Variants in PDS5B observed in about 807,000 individuals in gnomAD.
The protein encoded by PDS5B is sister chromatid cohesion protein PDS5 homolog B.
In PDS5B, 51 loss-of-function variants were observed where a neutral mutation model predicts 184.1. That is an observed-to-expected ratio of 0.28 (90% CI 0.22 to 0.35). PDS5B has a LOEUF of 0.35. Among genes scored for constraint, PDS5B ranks in the 10% least tolerant of loss-of-function variants. The pLI is 1.00. For synonymous variants in PDS5B, 566 were observed against 569.2 expected, an observed-to-expected ratio of 0.99 and a Z score of 0.08; for missense variants, 1,180 against 1,723.3, an observed-to-expected ratio of 0.68 and a Z score of 5.58.
intron 19 of PDS5B, among the ~76,000 whole-genome samples, chr13:32,717,698 A>G (rs1403765150): frequency 6.7e-6 from 1 of 149,614 alleles, no homozygotes; most frequent in Non-Finnish European, 1.5e-5. Flanking sequence ...AAAAAAAAAA[A>G]AAAATAAATA....
intron 19 of PDS5B, among the ~76,000 whole-genome samples, chr13:32,715,466 T>C (rs1319800456): frequency 6.6e-6 from 1 of 152,228 alleles, no homozygotes; most frequent in Non-Finnish European, 1.5e-5. Flanking sequence ...CATTTTAGTT[T>C]AATTATTTAA....
chr13:32,637,351 G>A (rs549877752), intron 1 of PDS5B, among the ~76,000 whole-genome samples: 7 of 152,282 alleles, frequency 4.6e-5, no homozygotes, highest in East Asian at 1.9e-4. Context: ...AAACTGTGAG[G>A]AAGAAATGGG....
intron 19 of PDS5B, among the ~76,000 whole-genome samples, chr13:32,726,255 TTCTC>T (rs1436627852): frequency 6.6e-6 from 1 of 152,164 alleles, no homozygotes; most frequent in South Asian, 2.1e-4. Context: ...TTCACCTTTT[TTCTC>T]TCTAATGGCA....
At chr13:32,646,688 T>C (rs551705639) in intron 1 of PDS5B, among the ~76,000 whole-genome samples, 1 of 152,284 alleles carries the variant, frequency 6.6e-6, no homozygotes, top group South Asian at 2.1e-4. Flanking sequence ...TTAAGGTGTT[T>C]ATGTTGAAAT....
chr13:32,615,835 GCT>G (rs2058210265), intron 1 of PDS5B, among the ~76,000 whole-genome samples: 1 of 152,152 alleles, frequency 6.6e-6, no homozygotes, highest in Admixed American at 6.5e-5. Flanking sequence ...GGCAATAGGT[GCT>G]CTGTGAATTT....
At chr13:32,622,880 G>T (rs1453966000) in intron 1 of PDS5B, among the ~76,000 whole-genome samples, 1 of 152,192 alleles carries the variant, frequency 6.6e-6, no homozygotes, top group Non-Finnish European at 1.5e-5. Context: ...AAACCAATAT[G>T]CTGAGGCAAC....
intron 13 of PDS5B, among the ~76,000 whole-genome samples, chr13:32,693,108 G>A (rs562403788): frequency 2.0e-5 from 3 of 151,838 alleles, no homozygotes; most frequent in Non-Finnish European, 4.4e-5. Flanking sequence ...TGACTACCCC[G>A]TTTCTTTGAA....
chr13:32,763,983 A>T (rs753999227), intron 30 of PDS5B, among the ~76,000 whole-genome samples: 3 of 152,210 alleles, frequency 2.0e-5, no homozygotes, highest in African/African-American at 7.2e-5. Context: ...TGCCAACTCT[A>T]TGCCTGGCAC....
At chr13:32,587,604 C>T (rs957044839) in intron 1 of PDS5B, among the ~76,000 whole-genome samples, 1 of 152,180 alleles carries the variant, frequency 6.6e-6, no homozygotes, top group Non-Finnish European at 1.5e-5. Flanking sequence ...CGCCGCCCCT[C>T]GCCTTCGGAG....
At chr13:32,684,867 A>C (rs1951341159) in intron 11 of PDS5B, among the ~76,000 whole-genome samples, 1 of 152,218 alleles carries the variant, frequency 6.6e-6, no homozygotes, top group African/African-American at 2.4e-5. Context: ...TAATCCCAGC[A>C]CTTTGGGAGG....
intron 1 of PDS5B, among the ~76,000 whole-genome samples, chr13:32,634,583 CTTT>C (rs34358183): frequency 3.6e-5 from 5 of 138,544 alleles, no homozygotes; most frequent in African/African-American, 5.4e-5. Flanking sequence ...TTACATTTAA[CTTT>C]TTTTTTTTTT....
chr13:32,683,315 A>ATTT (rs529817272), intron 10 of PDS5B, among the ~76,000 whole-genome samples: 19 of 119,890 alleles, frequency 1.6e-4, no homozygotes, highest in East Asian at 4.8e-4. Flanking sequence ...GGCCTTTAAA[A>ATTT]TTTTTTTTTT....
chr13:32,610,461 T>C (rs1479516767), intron 1 of PDS5B, among the ~76,000 whole-genome samples: 1 of 152,216 alleles, frequency 6.6e-6, no homozygotes, highest in Non-Finnish European at 1.5e-5. Context: ...TTAGTAACAC[T>C]AACAGTTACT....
chr13:32,679,549 T>C (rs990491272), intron 10 of PDS5B, among the ~76,000 whole-genome samples: 2 of 151,994 alleles, frequency 1.3e-5, no homozygotes, highest in Admixed American at 6.5e-5. Flanking sequence ...GGCAGGAGAA[T>C]TGCTTGAACC....
At chr13:32,606,518 CT>C in intron 1 of PDS5B, among the ~76,000 whole-genome samples, 1 of 152,148 alleles carries the variant, frequency 6.6e-6, no homozygotes, top group Non-Finnish European at 1.5e-5. Context: ...TTTGTTTCAA[CT>C]TTGGTGAATC....
intron 1 of PDS5B, among the ~76,000 whole-genome samples, chr13:32,635,493 A>G (rs1274200541): frequency 6.6e-6 from 1 of 150,652 alleles, no homozygotes; most frequent in African/African-American, 2.4e-5. Flanking sequence ...ACAGGTGCGT[A>G]CCACCACGCC....
intron 31 of PDS5B, among the ~76,000 whole-genome samples, chr13:32,765,640 G>T (rs1593645024): frequency 1.3e-5 from 2 of 152,120 alleles, no homozygotes; most frequent in South Asian, 4.1e-4. Context: ...GTCTCACTTT[G>T]TCGCCCAGGC....
Position 32,707,027 on chromosome 13 carries a change from T to C in PDS5B, c.1950T>C (p.Leu650=). Reference sequence around the variant, plus strand: ...CTGATCAAGCCATCAGAGCAGGTCTTGAACTGCTTAAGGTAAGTATCTATT... The same window carrying C: ...CTGATCAAGCCATCAGAGCAGGTCTCGAACTGCTTAAGGTAAGTATCTATT... ...VPTDQAIRAG[L]ELLKVLSFTH... The change falls in exon 18 of 35, where the codon CTT becomes CTC. Residue 650 remains leucine (L), a synonymous_variant. Transcript: ENST00000315596. 1 of 1,589,266 alleles carries C rather than the reference T, an allele frequency of 6.3e-7. No homozygotes were observed. Among genetic ancestry groups the C allele is most frequent in the Non-Finnish European group, 8.6e-7 (1 of 1,161,792 alleles).
chr13:32,740,685 AT>A (rs559448800), intron 21 of PDS5B, among the ~76,000 whole-genome samples: 120 of 146,406 alleles, frequency 8.2e-4, no homozygotes, highest in Middle Eastern at 7.2e-3. Flanking sequence ...CCAGCTCAAG[AT>A]TTTTTTTTTT....
Sources: allele counts gnomAD v4.1 joint callset (sites outside exome capture counted in the v4.1 genomes callset), GRCh38; gene constraint gnomAD v4.1.1; transcripts MANE v1.5; gene names NCBI Gene and HGNC (gene_info 2026-07-23, HGNC 2026-07-21).